NOP2: variants seen among roughly 807,000 people sequenced by gnomAD.
NOP2 encodes the protein NOP2 nucleolar protein, also known as 28S rRNA (cytosine(4447)-C(5))-methyltransferase.
NOP2 carries 7 observed loss-of-function variants against 72.7 expected under a neutral mutation model. The ratio of observed to expected loss-of-function variants is 0.10; its 90% CI spans 0.05 to 0.18. The LOEUF (loss-of-function observed/expected upper bound fraction) is 0.18. NOP2 is among the 10% of genes least tolerant of loss of function. The pLI is 1.00. For synonymous variants in NOP2, 387 were observed against 388.0 expected, an observed-to-expected ratio of 1.00 and a Z score of 0.03; for missense variants, 954 against 1,014.7, an observed-to-expected ratio of 0.94 and a Z score of 0.81.
At position 6,568,026 on chromosome 12, in the gene NOP2, A is replaced by T. The variant is rs538750564; in HGVS notation, c.-4-104T>A. On this transcript the variant is annotated intron_variant, in intron 1 of 15. Transcript: ENST00000322166. ...GTGGGAAAGGGCACAGCCTCAACTCAGCACCCGCAACTCACTCAGCACTCC... is the reference window on the plus strand; with the variant it reads ...GTGGGAAAGGGCACAGCCTCAACTCTGCACCCGCAACTCACTCAGCACTCC... 1.4e-5 allele frequency: 11 copies of T among 804,004 alleles called. No homozygotes were observed. The East Asian group carries it at 2.9e-4, about 21-fold the overall frequency. 49.8% of individuals were successfully genotyped at this position (804,004 alleles called of 1,614,324 possible).
rs1565583987 is a variant in NOP2 at position 6,557,248 on chromosome 12, CGG to C, written c.2182_2183del (p.Pro728GlyfsTer15). On this transcript the variant is annotated frameshift_variant, in exon 16 of 16. Coordinates refer to ENST00000322166, the MANE Select transcript of NOP2 (RefSeq NM_001258308.2). LOFTEE classifies it low-confidence loss of function (END_TRUNC). ...APPKGTDTQTPAVLSPSKTQA... is the reference protein window; with the variant it reads ...APPKGTDTQTXAVLSPSKTQA... ...GAGTCTTGGATGGGGATAACACAGC[CGG>C]TGTTTGTGTGTCTGTGCCCTTGGGA... 38 of 1,613,958 alleles carry C rather than the reference CGG, an allele frequency of 2.4e-5. No individual in the cohort carries two copies. Among genetic ancestry groups the C allele is most frequent in the Non-Finnish European group, 3.1e-5 (37 of 1,179,876 alleles).
chr12:6,562,718 C>T (rs1374734122), intron 9 of NOP2, among the ~76,000 whole-genome samples: 1 of 152,194 alleles, frequency 6.6e-6, no homozygotes, highest in Non-Finnish European at 1.5e-5. Context: ...TAACCTGGGG[C>T]CCCTGAACCC....
rs1312622235 is a variant in NOP2, at chr12:6,560,192, A to T, written c.1695T>A (p.Ser565=). 6.2e-7 allele frequency: 1 copy of T among 1,614,044 alleles called. No individual in the cohort carries two copies. The highest frequency in any genetic ancestry group is 2.2e-5 in the East Asian group (1 of 44,882). Residue 565 remains serine (S), a synonymous_variant, in exon 15 of 16, where the codon TCT becomes TCA. Coordinates refer to ENST00000322166, the MANE Select transcript of NOP2 (RefSeq NM_001258308.2). This position sits in a 1 kb window ranked among gnomAD's most constrained non-coding sequence, Gnocchi z 5.0. ...GGGTATGAGGGTAGAAGCGTCGGGT[A>T]GAACGCAGACTGGGGTGGAAGCGCC... is the stretch of plus-strand genomic sequence containing the variant. ...RERRFHPSLR[S]TRRFYPHTHN...
chr12:6,559,554 C>T (rs1033515347), intron 15 of NOP2, among the ~76,000 whole-genome samples: 2 of 152,214 alleles, frequency 1.3e-5, no homozygotes, highest in African/African-American at 4.8e-5. Context: ...AGTAGCACTT[C>T]TCTCCCTCTT....
At chr12:6,564,274 TCA>T in intron 5 of NOP2, 1 of 55,438 alleles carries the variant, frequency 1.8e-5, no homozygotes, top group Non-Finnish European at 3.1e-5. Context: ...AGACTTCATC[TCA>T]AAAAAAAAAA....
Position 6,562,059 on chromosome 12 carries a change from G to A in NOP2, c.979-88C>T, listed in dbSNP as rs757033034. ...GCTAGAGTGAGGTGGCGCAATCTCG[G>A]CTCACAGCAACCTCCACCTCCCAGA... On this transcript the variant is annotated intron_variant, in intron 9 of 15. Coordinates refer to ENST00000322166, the MANE Select transcript of NOP2 (RefSeq NM_001258308.2). The A allele has an allele frequency of 1.7e-4, 169 of 976,582 alleles. 1 individual carries two copies. In the Middle Eastern group the frequency reaches 2.1e-3, roughly 12 times the overall value. 60.5% of individuals were successfully genotyped at this position (976,582 alleles called of 1,614,324 possible). A position where few individuals can be genotyped will look rare whatever the true frequency, so the allele number is the denominator to read the frequency against.
At chr12:6,567,247 T>A (rs534568077) in intron 2 of NOP2, among the ~76,000 whole-genome samples, 5 of 152,304 alleles carry the variant, frequency 3.3e-5, no homozygotes, top group African/African-American at 9.6e-5. Context: ...CACAGGACTC[T>A]AAGATGATTA....
Position 6,568,100 on chromosome 12 carries a change from C to G in NOP2, c.-5+107G>C, listed in dbSNP as rs1947835315. The G allele has an allele frequency of 2.7e-5, 16 of 594,308 alleles. No individual in the cohort carries two copies. In the South Asian group the frequency reaches 3.0e-4, roughly 11 times the overall value. The allele number at this position is 594,308 out of a possible 1,614,324, so 36.8% of individuals were successfully genotyped here. On this transcript the variant is annotated intron_variant, in intron 1 of 15. Transcript: ENST00000322166. The stretch of plus-strand genomic sequence containing the variant: ...CACCCCCGCTATCCCCCTGGAGGCC[C>G]GACCGAACGCCCTCCCACCTGAAAC...
chr12:6,558,140 CAAA>C (rs1186896591), intron 15 of NOP2: 6,684 of 171,154 alleles, frequency 0.039, no homozygotes, highest in South Asian at 0.059. Context: ...GACACCGTCT[CAAA>C]AAAAAAAAAA....
rs774823982 is a variant in NOP2 at position 6,563,747 on chromosome 12, G to C, written c.555C>G (p.Thr185=). 6.2e-7 allele frequency: 1 copy of C among 1,612,970 alleles called. No individual in the cohort carries two copies. Among genetic ancestry groups the C allele is most frequent in the Admixed American group, 1.7e-5 (1 of 59,914 alleles). Residue 185 remains threonine, a synonymous_variant, in exon 7 of 16, where the codon ACC becomes ACG. Transcript: ENST00000322166. ...CTTCTTTCTCTTCCTCCTCGTCCTC[G>C]GTCTCCTCTTCACTCCACTGGATCC... The part of the protein sequence containing the change: ...AAGIQWSEEE[T]EDEEEEKEVT...
Position 6,566,773 on chromosome 12 carries a change from T to A in NOP2, c.149+4A>T, listed in dbSNP as rs1311926254. The A allele has an allele frequency of 6.2e-7, 1 of 1,613,188 alleles. No homozygotes were observed. The highest frequency in any genetic ancestry group is 8.5e-7 in the Non-Finnish European group (1 of 1,179,530). ...CCTACTTAAGTTTTGACACCCACAC[T>A]TACCTCTTTCGAGCACGACTAGACA... is the stretch of plus-strand genomic sequence containing the variant. On this transcript the variant is annotated splice_donor_region_variant and intron_variant, in intron 3 of 15. Coordinates refer to ENST00000322166, the MANE Select transcript of NOP2 (RefSeq NM_001258308.2).
Position 6,561,941 on chromosome 12 carries a change from G to C in NOP2, c.1009C>G (p.Pro337Ala). 1 of 1,612,096 alleles carries C rather than the reference G, an allele frequency of 6.2e-7. No homozygotes were observed. Among genetic ancestry groups the C allele is most frequent in the South Asian group, 1.1e-5 (1 of 90,666 alleles). Reference protein sequence around the residue: ...ALINRGVNLDPLGKWSKTGLV... With the variant: ...ALINRGVNLDALGKWSKTGLV... ...CCAGTCTTTGACCACTTGCCCAGGG[G>C]ATCCAGGTTAACCCCACGATTGATT... is the stretch of plus-strand genomic sequence containing the variant. Residue 337 changes from proline (P) to alanine (A), a missense_variant, in exon 10 of 16, where the codon CCC (proline) becomes GCC (alanine). Pro to Ala is a conservative substitution (Grantham distance 27). This residue lies in a region of NOP2 where 498 missense variants were observed against 478.3 expected (regional missense o/e 1.04). Coordinates refer to ENST00000322166, the MANE Select transcript of NOP2 (RefSeq NM_001258308.2).
chr12:6,566,862 G>A, intron 2 of NOP2, 40 bp from the exon 3 acceptor site: 3 of 1,545,530 alleles, frequency 1.9e-6, no homozygotes, highest in Non-Finnish European at 2.7e-6. Context: ...AAGTTACAGG[G>A]GACATTAAAA....
At chr12:6,557,685 A>G in intron 15 of NOP2, 43 bp from the exon 16 acceptor site, 1 of 1,529,038 alleles carries the variant, frequency 6.5e-7, no homozygotes, top group Non-Finnish European at 8.8e-7. Flanking sequence ...AATGGGCCTT[A>G]TCACCATATT....
At position 6,557,648 on chromosome 12, in the gene NOP2, GT is replaced by G; in HGVS notation, c.1790-7del. The G allele has an allele frequency of 6.2e-7, 1 of 1,601,892 alleles. No homozygotes were observed. The highest frequency in any genetic ancestry group is 1.3e-5 in the African/African-American group (1 of 74,426). The stretch of plus-strand genomic sequence containing the variant: ...TGTGGCTGTTTCAGAATTTCCTGGG[GT>G]TAAAATTAAACAGATGGTGTCAGAA... On this transcript the variant is annotated splice_region_variant and splice_polypyrimidine_tract_variant and intron_variant, in intron 15 of 15. Coordinates refer to ENST00000322166, the MANE Select transcript of NOP2 (RefSeq NM_001258308.2).
intron 15 of NOP2, chr12:6,558,198 C>T (rs1947554274): frequency 2.9e-6 from 1 of 345,554 alleles, no homozygotes; most frequent in Admixed American, 4.1e-5. Context: ...AAGGTTTCTA[C>T]AGGAAGCTGC....
rs1473605626 is a variant in NOP2 at position 6,560,965 on chromosome 12, A to G, written c.1313T>C (p.Ile438Thr). Residue 438 changes from isoleucine to threonine, a missense_variant, in exon 12 of 16, where the codon ATT becomes ACT. Around this residue, in one of 3 missense-constraint regions of NOP2, gnomAD observed 187 missense variants for 276.2 expected, o/e 0.68. Coordinates refer to ENST00000322166, the MANE Select transcript of NOP2 (RefSeq NM_001258308.2). The surrounding 1 kb of genome is among the most constrained non-coding windows in gnomAD (Gnocchi z 5.0). Reference protein sequence around the residue: ...NLHRLGVTNTIISHYDGRQFP... With the variant: ...NLHRLGVTNTTISHYDGRQFP... ...CTGGCGCCCATCATAGTGGCTGATAATGGTGTTGGTGACTCCCAGCCGATG... is the reference window on the plus strand; with the variant it reads ...CTGGCGCCCATCATAGTGGCTGATAGTGGTGTTGGTGACTCCCAGCCGATG... The G allele has an allele frequency of 6.2e-7, 1 of 1,613,768 alleles. No homozygotes were observed. The highest frequency in any genetic ancestry group is 8.5e-7 in the Non-Finnish European group (1 of 1,179,868).
chr12:6,566,249 G>C lies in NOP2; in HGVS notation c.326C>G (p.Pro109Arg), dbSNP rs527906046. The change falls in exon 5 of 16, where the codon CCT becomes CGT. Residue 109 changes from proline to arginine, a missense_variant. This residue lies in a region of NOP2 where 498 missense variants were observed against 478.3 expected (regional missense o/e 1.04). Coordinates refer to ENST00000322166, the MANE Select transcript of NOP2 (RefSeq NM_001258308.2). ...CTCCTCCTCTTCCTCATCACTGCCA[G>C]GTGCTGGGCGCTTCTTGCCTCGAGG... ...NAPRGKKRPA[P>R]GSDEEEEEED... 2 of 1,613,952 alleles carry C rather than the reference G, an allele frequency of 1.2e-6. No homozygotes were observed. Among genetic ancestry groups the C allele is most frequent in the African/African-American group, 1.3e-5 (1 of 75,018 alleles).
In NOP2 at chr12:6,563,871, C is replaced by CAAT. The variant is rs1316226851; in HGVS notation, c.530+17_530+19dup. 2 of 1,613,820 alleles carry CAAT rather than the reference C, an allele frequency of 1.2e-6. No homozygotes were observed. Among genetic ancestry groups the CAAT allele is most frequent in the Non-Finnish European group, 1.7e-6 (2 of 1,179,804 alleles). On this transcript the variant is annotated intron_variant, in intron 6 of 15. Coordinates refer to ENST00000322166, the MANE Select transcript of NOP2 (RefSeq NM_001258308.2). Reference sequence around the variant, plus strand: ...CCCAGTGGCTTCCTATGCTCCATCCCAATAGCTTCCAAAACTCACCCAGCA... The same window carrying CAAT: ...CCCAGTGGCTTCCTATGCTCCATCCCAATAATAGCTTCCAAAACTCACCCAGCA...
Sources: allele counts gnomAD v4.1 joint callset (sites outside exome capture counted in the v4.1 genomes callset), GRCh38; gene constraint gnomAD v4.1.1; regional missense constraint gnomAD v4.1.1; non-coding constraint Gnocchi (gnomAD v3.1); transcripts MANE v1.5; gene names NCBI Gene and HGNC (gene_info 2026-07-23, HGNC 2026-07-21).